Variants in MAN1A2 observed in about 807,000 individuals in gnomAD.
MAN1A2 encodes the protein mannosyl-oligosaccharide 1,2-alpha-mannosidase IB.
A neutral mutation model predicts 75.7 loss-of-function variants in MAN1A2; 26 were observed. The ratio of observed to expected loss-of-function variants is 0.34; its 90% CI spans 0.25 to 0.48. MAN1A2 has a LOEUF of 0.48. Ranked by LOEUF, MAN1A2 falls within the 20% of genes least tolerant of loss-of-function variation. MAN1A2 has a pLI of 0.99. For missense variants in MAN1A2, 562 were observed against 775.5 expected (o/e 0.72, Z 3.27); for synonymous variants, 247 against 264.6 (o/e 0.93, Z 0.65).
intron 8 of MAN1A2, among the ~76,000 whole-genome samples, chr1:117,475,354 A>G (rs1312575513): frequency 6.6e-6 from 1 of 151,414 alleles, no homozygotes; most frequent in Non-Finnish European, 1.5e-5. Context: ...ATTTTATTAC[A>G]TTGTATTTTT....
chr1:117,486,532 T>C (rs1358613732), intron 8 of MAN1A2, among the ~76,000 whole-genome samples: 1 of 151,980 alleles, frequency 6.6e-6, no homozygotes, highest in Non-Finnish European at 1.5e-5. Context: ...GGAGAAGTTA[T>C]ATTCATAGAG....
chr1:117,513,065 C>T (rs1934247), intron 12 of MAN1A2, among the ~76,000 whole-genome samples: 32,695 of 151,828 alleles, frequency 0.22, 4,566 homozygotes, highest in East Asian at 0.42. Context: ...TAAACATCAG[C>T]CTTACTTGAT....
chr1:117,492,263 G>GCCCCAGCCA (rs1650902867), intron 8 of MAN1A2, among the ~76,000 whole-genome samples: 1 of 151,932 alleles, frequency 6.6e-6, no homozygotes, highest in Admixed American at 6.6e-5. Context: ...TTAAGAAATT[G>GCCCCAGCCA]CCCCAGCCAC....
At chr1:117,469,645 G>C (rs1463779274) in intron 8 of MAN1A2, among the ~76,000 whole-genome samples, 1 of 152,044 alleles carries the variant, frequency 6.6e-6, no homozygotes, top group Non-Finnish European at 1.5e-5. Flanking sequence ...CTCAACAACA[G>C]AAGGCGAATC....
rs1033192308 is a variant in MAN1A2 at position 117,402,767 on chromosome 1, A to G, written c.558+326A>G. On this transcript the variant is annotated intron_variant, in intron 2 of 12. Coordinates refer to ENST00000356554, the MANE Select transcript of MAN1A2 (RefSeq NM_006699.5). ...TAACTTATTGTCTAAGCAGTTTCTT[A>G]AATGTTCAGTTACAAAGGGACTCTG... Among the ~76,000 whole-genome samples, 8 of 152,232 alleles carry G rather than the reference A, an allele frequency of 5.3e-5. No individual in the cohort carries two copies. In the South Asian group the frequency reaches 1.7e-3, roughly 32 times the overall value.
At chr1:117,482,751 C>A (rs1650540331) in intron 8 of MAN1A2, among the ~76,000 whole-genome samples, 1 of 152,048 alleles carries the variant, frequency 6.6e-6, no homozygotes, top group African/African-American at 2.4e-5. Context: ...TTAATTAGAT[C>A]CCATTTGTCT....
chr1:117,421,566 C>A (rs1648196276), intron 5 of MAN1A2, among the ~76,000 whole-genome samples: 1 of 150,908 alleles, frequency 6.6e-6, no homozygotes, highest in Non-Finnish European at 1.5e-5. Flanking sequence ...ATACTTTTAT[C>A]TATATATTTC....
At chr1:117,371,535 A>G (rs955302601) in intron 1 of MAN1A2, among the ~76,000 whole-genome samples, 1 of 152,098 alleles carries the variant, frequency 6.6e-6, no homozygotes, top group Non-Finnish European at 1.5e-5. Flanking sequence ...AATGAGTAGG[A>G]GATTGCTTAA....
At chr1:117,475,905 G>C (rs545067704) in intron 8 of MAN1A2, among the ~76,000 whole-genome samples, 40 of 152,088 alleles carry the variant, frequency 2.6e-4, no homozygotes, top group Non-Finnish European at 5.0e-4. Context: ...GGGTCAAATG[G>C]TATCTCTGGT....
intron 5 of MAN1A2, among the ~76,000 whole-genome samples, chr1:117,438,565 C>T (rs921924440): frequency 2.0e-5 from 3 of 152,196 alleles, no homozygotes; most frequent in Non-Finnish European, 4.4e-5. Context: ...ACCACTCATC[C>T]TCTGACTCGC....
intron 1 of MAN1A2, among the ~76,000 whole-genome samples, chr1:117,378,752 TG>T (rs1436677581): frequency 6.6e-6 from 1 of 152,188 alleles, no homozygotes; most frequent in Non-Finnish European, 1.5e-5. Context: ...TCCAACCTGC[TG>T]TCAATTTGTT....
At chr1:117,443,406 C>G (rs1345611707) in intron 6 of MAN1A2, among the ~76,000 whole-genome samples, 2 of 152,050 alleles carry the variant, frequency 1.3e-5, no homozygotes, top group Non-Finnish European at 2.9e-5. Context: ...AGGATATGGC[C>G]AAGTGATGTT....
At chr1:117,460,797 T>G in intron 7 of MAN1A2, among the ~76,000 whole-genome samples, 185 bp downstream of exon 7, 1 of 152,234 alleles carries the variant, frequency 6.6e-6, no homozygotes, top group East Asian at 1.9e-4. Flanking sequence ...ATTTAAAATA[T>G]GTATTGTTAT....
intron 5 of MAN1A2, among the ~76,000 whole-genome samples, chr1:117,433,273 A>G (rs1203465717): frequency 6.6e-6 from 1 of 152,122 alleles, no homozygotes; most frequent in Non-Finnish European, 1.5e-5. Context: ...GATTAGAGAT[A>G]CTAAACTGGT....
At chr1:117,412,733 T>TGTG (rs1367954112) in intron 3 of MAN1A2, among the ~76,000 whole-genome samples, 1 of 151,882 alleles carries the variant, frequency 6.6e-6, no homozygotes. Context: ...CATTTTTTCC[T>TGTG]GTTCAAATCT....
chr1:117,428,022 C>T (rs1306640451), intron 5 of MAN1A2, among the ~76,000 whole-genome samples: 1 of 151,962 alleles, frequency 6.6e-6, no homozygotes, highest in Non-Finnish European at 1.5e-5. Flanking sequence ...CATAATTAAT[C>T]CCTGGGACAA....
At chr1:117,385,373 G>C (rs1206814447) in intron 1 of MAN1A2, among the ~76,000 whole-genome samples, 1 of 152,146 alleles carries the variant, frequency 6.6e-6, no homozygotes, top group Non-Finnish European at 1.5e-5. Context: ...CTAAGTTCCA[G>C]GTCTCTTCCT....
chr1:117,470,249 A>G (rs1398576546), intron 8 of MAN1A2, among the ~76,000 whole-genome samples: 1 of 152,138 alleles, frequency 6.6e-6, no homozygotes, highest in African/African-American at 2.4e-5. Flanking sequence ...CTTATATCAA[A>G]TATCTAGAGT....
rs191637233 is a variant in MAN1A2, at chr1:117,421,835, G to A, written c.855+1186G>A. 2.3e-3 allele frequency among the ~76,000 whole-genome samples: 350 copies of A among 152,128 alleles called. 5 individuals carry two copies. The highest frequency in any genetic ancestry group is 7.9e-3 in the African/African-American group (328 of 41,534). On this transcript the variant is annotated intron_variant, in intron 5 of 12. Transcript: ENST00000356554. The stretch of plus-strand genomic sequence containing the variant: ...CTGGCCAAGAGGTTATCAAACTTTA[G>A]TATGTATTAGAATCACATAAGGTGT...
Sources: gnomAD v4.1 joint callset for allele counts (sites outside exome capture counted in the v4.1 genomes callset) on GRCh38, gnomAD v4.1.1 for gene constraint, MANE v1.5 for transcripts, NCBI Gene and HGNC (gene_info 2026-07-23, HGNC 2026-07-21) for gene names.